GPBP1L1: variants seen among roughly 807,000 people sequenced by gnomAD.
GPBP1L1 encodes the protein vasculin-like protein 1.
In GPBP1L1, 23 loss-of-function variants were observed where a neutral mutation model predicts 52.5. The observed-to-expected ratio is 0.44, with a 90% confidence interval of 0.32 to 0.62. GPBP1L1 has a LOEUF of 0.62. Among genes scored for constraint, GPBP1L1 ranks in the 20% least tolerant of loss-of-function variants. The probability of loss-of-function intolerance (pLI) is 0.06; values close to 1 mark genes in which losing one functional copy is unlikely to be tolerated. For synonymous variants in GPBP1L1, 243 were observed against 203.1 expected (o/e 1.20, Z -1.67); for missense variants, 596 against 579.3 (o/e 1.03, Z -0.30).
chr1:45,642,435 C>T lies in GPBP1L1; in HGVS notation c.542G>A (p.Gly181Glu). ...TGGCAAAATCTACCTACCCCATACT[C>T]CAGAAGGTGTCCCAATAGGTCTGCA... ...QPCRPIGTPS[G>E]VWENPPSAKQ... The change falls in exon 7 of 13, where the codon GGA becomes GAA. Residue 181 changes from glycine to glutamate, a missense_variant. Gly to Glu is a moderately conservative substitution (Grantham distance 98, BLOSUM62 -2). Transcript: ENST00000355105. The T allele has an allele frequency of 6.2e-7, 1 of 1,613,414 alleles. No homozygotes were observed. Among genetic ancestry groups the T allele is most frequent in the South Asian group, 1.1e-5 (1 of 91,044 alleles).
Position 45,640,322 on chromosome 1 carries a change from G to A in GPBP1L1, c.632C>T (p.Ser211Phe), listed in dbSNP as rs1340883020. The A allele has an allele frequency of 6.2e-7, 1 of 1,614,118 alleles. No individual in the cohort carries two copies. Among genetic ancestry groups the A allele is most frequent in the Non-Finnish European group, 8.5e-7 (1 of 1,179,962 alleles). Reference protein sequence around the residue: ...VSKEDPAAAFSAAFTSPGSHH... With the variant: ...VSKEDPAAAFFAAFTSPGSHH... ...AGATCCTGGTGAGGTGAATGCAGCA[G>A]AGAAGGCAGCAGCAGGATCCTCTTT... The change falls in exon 8 of 13, where the codon TCT becomes TTT. Residue 211 changes from serine (S) to phenylalanine (F), a missense_variant. Ser to Phe is a radical substitution (Grantham distance 155). Transcript: ENST00000355105.
intron 2 of GPBP1L1, among the ~76,000 whole-genome samples, chr1:45,671,136 A>G (rs888023926): frequency 3.3e-5 from 5 of 149,466 alleles, no homozygotes; most frequent in Non-Finnish European, 7.4e-5. Flanking sequence ...TAATATTCTG[A>G]TATGTATTAG....
At position 45,628,197 on chromosome 1, in the gene GPBP1L1, T is replaced by G. The variant is rs114265929; in HGVS notation, c.*59A>C. On this transcript the variant is annotated 3_prime_UTR_variant, in exon 13 of 13. Coordinates refer to ENST00000355105, the MANE Select transcript of GPBP1L1 (RefSeq NM_021639.5). The stretch of plus-strand genomic sequence containing the variant: ...AAAAGGAAAAGAACGATTTCTTTTG[T>G]ATACTCCCTAAACACACAGAGTTTA... The G allele has an allele frequency of 0.034, 50,222 of 1,484,908 alleles. 1,031 individuals carry two copies. The highest frequency in any genetic ancestry group is 0.039 in the Non-Finnish European group (41,959 of 1,072,852). 92.0% of individuals were successfully genotyped at this position (1,484,908 alleles called of 1,614,324 possible). A position where few individuals can be genotyped will look rare whatever the true frequency, so the allele number is the denominator to read the frequency against.
intron 6 of GPBP1L1, chr1:45,651,820 T>A (rs12048866): frequency 1.5e-5 from 4 of 263,526 alleles, no homozygotes; most frequent in Non-Finnish European, 2.8e-5. Context: ...TTCTTTCCTT[T>A]CGGCATCTTG....
At chr1:45,673,350 AGAAT>A (rs1255670778) in intron 2 of GPBP1L1, among the ~76,000 whole-genome samples, 2 of 152,238 alleles carry the variant, frequency 1.3e-5, no homozygotes, top group African/African-American at 4.8e-5. Context: ...GTGAAACTGA[AGAAT>A]GAACTACAGA....
rs1342419279 is a variant in GPBP1L1 at position 45,627,408 on chromosome 1, C to A, written c.*848G>T. 6.6e-6 allele frequency: 1 copy of A among 152,482 alleles called. No homozygotes were observed. The highest frequency in any genetic ancestry group is 1.5e-5 in the Non-Finnish European group (1 of 68,018). 9.4% of individuals were successfully genotyped at this position (152,482 alleles called of 1,614,324 possible). ...AGTTGTGTCTGAATTCACATTTCCC[C>A]CCAACTTCTAAAAATATTTCCCCTA... is the stretch of plus-strand genomic sequence containing the variant. On this transcript the variant is annotated 3_prime_UTR_variant, in exon 13 of 13. Coordinates refer to ENST00000355105, the MANE Select transcript of GPBP1L1 (RefSeq NM_021639.5).
chr1:45,667,474 T>G (rs564192791), intron 2 of GPBP1L1, among the ~76,000 whole-genome samples: 1 of 152,266 alleles, frequency 6.6e-6, no homozygotes, highest in South Asian at 2.1e-4. Flanking sequence ...TATAATTAAG[T>G]TTATACTGCT....
At chr1:45,644,547 T>G (rs1037727178) in intron 6 of GPBP1L1, among the ~76,000 whole-genome samples, 2 of 133,172 alleles carry the variant, frequency 1.5e-5, no homozygotes, top group Non-Finnish European at 3.3e-5. Flanking sequence ...ATACTTATGG[T>G]GATCACTGCA....
At chr1:45,663,372 C>T (rs1644970169) in intron 2 of GPBP1L1, among the ~76,000 whole-genome samples, 1 of 152,142 alleles carries the variant, frequency 6.6e-6, no homozygotes, top group South Asian at 2.1e-4. Flanking sequence ...AGGTACCTTC[C>T]GGTTTTCCAA....
At chr1:45,658,164 T>C (rs1041023282) in intron 4 of GPBP1L1, among the ~76,000 whole-genome samples, 1 of 152,106 alleles carries the variant, frequency 6.6e-6, no homozygotes, top group Non-Finnish European at 1.5e-5. Context: ...ACAACACACA[T>C]CCCCCCTGAA....
At position 45,628,407 on chromosome 1, in the gene GPBP1L1, A is replaced by C; in HGVS notation, c.1274T>G (p.Leu425Arg). ...ATTCTTTCCAAAGCCATTTCTTCTC[A>C]GCTATGGTTAGCATGGGAGAGAAAG... Reference protein sequence around the residue: ...LKEFHMKTEQLRRNGFGKNGF... With the variant: ...LKEFHMKTEQRRRNGFGKNGF... The change falls in exon 13 of 13, where the codon CTG (leucine) becomes CGG (arginine). Residue 425 changes from leucine (L) to arginine (R), a missense_variant and splice_region_variant. Leu to Arg is a moderately radical substitution (Grantham distance 102). Transcript: ENST00000355105. 1.2e-6 allele frequency: 2 copies of C among 1,613,782 alleles called. No individual in the cohort carries two copies. The highest frequency in any genetic ancestry group is 1.7e-6 in the Non-Finnish European group (2 of 1,179,958).
chr1:45,647,823 TATGA>T (rs773267466), intron 6 of GPBP1L1, among the ~76,000 whole-genome samples: 2 of 152,188 alleles, frequency 1.3e-5, no homozygotes, highest in Non-Finnish European at 2.9e-5. Context: ...TCTAACCAGG[TATGA>T]ATCTCAGCCC....
At chr1:45,641,180 G>C (rs1027713209) in intron 7 of GPBP1L1, among the ~76,000 whole-genome samples, 1 of 152,090 alleles carries the variant, frequency 6.6e-6, no homozygotes, top group Admixed American at 6.5e-5. Context: ...AAGGTACATC[G>C]ATCAATCTTA....
intron 2 of GPBP1L1, among the ~76,000 whole-genome samples, chr1:45,672,468 T>C (rs530672376): frequency 6.6e-6 from 1 of 152,324 alleles, no homozygotes; most frequent in South Asian, 2.1e-4. Context: ...CTTGCTAAAC[T>C]CTCATTAATT....
chr1:45,649,721 T>C (rs890808199), intron 6 of GPBP1L1, among the ~76,000 whole-genome samples: 2 of 152,218 alleles, frequency 1.3e-5, no homozygotes, highest in South Asian at 2.1e-4. Context: ...ATATAAAATA[T>C]ACTCAATTCT....
intron 1 of GPBP1L1, among the ~76,000 whole-genome samples, chr1:45,686,143 C>A (rs907432386): frequency 4.6e-5 from 7 of 152,360 alleles, no homozygotes; most frequent in Middle Eastern, 3.4e-3. Context: ...TCCGACCCGA[C>A]GACCGAAGTT....
chr1:45,636,031 G>A (rs867637509), intron 8 of GPBP1L1, among the ~76,000 whole-genome samples: 6 of 151,878 alleles, frequency 4.0e-5, no homozygotes, highest in Non-Finnish European at 5.9e-5. Flanking sequence ...TCTTTCACTC[G>A]TTCATTAACT....
chr1:45,653,990 A>G (rs1348603384), intron 6 of GPBP1L1, among the ~76,000 whole-genome samples: 1 of 152,112 alleles, frequency 6.6e-6, no homozygotes, highest in African/African-American at 2.4e-5. Flanking sequence ...TGAGCCACCG[A>G]GCCCAGCCTG....
At chr1:45,669,629 AC>A (rs1645051037) in intron 2 of GPBP1L1, among the ~76,000 whole-genome samples, 1 of 149,500 alleles carries the variant, frequency 6.7e-6, no homozygotes, top group African/African-American at 2.5e-5. Context: ...CCCCCCTCCA[AC>A]CCCCTGCCAA....
Sources: allele counts gnomAD v4.1 joint callset (sites outside exome capture counted in the v4.1 genomes callset), GRCh38; gene constraint gnomAD v4.1.1; transcripts MANE v1.5; gene names NCBI Gene and HGNC (gene_info 2026-07-23, HGNC 2026-07-21).